The following ZNF827 variants were observed in gnomAD, a reference collection of about 807,000 sequenced individuals.
ZNF827 encodes zinc finger protein 827.
A neutral mutation model predicts 102.4 loss-of-function variants in ZNF827; 13 were observed. The observed-to-expected ratio is 0.13, with a 90% CI of 0.08 to 0.20. ZNF827 has a LOEUF of 0.20. Ranked by LOEUF, ZNF827 falls within the 10% of genes least tolerant of loss-of-function variation. ZNF827 has a pLI of 1.00. For synonymous variants in ZNF827, 523 were observed against 536.2 expected (o/e 0.98, Z 0.34); for missense variants, 1,103 against 1,344.4 (o/e 0.82, Z 2.81).
chr4:145,778,963 T>G (rs1737531337), intron 9 of ZNF827, among the ~76,000 whole-genome samples: 1 of 152,216 alleles, frequency 6.6e-6, no homozygotes, highest in Non-Finnish European at 1.5e-5. Context: ...TTCTCCACAA[T>G]TATACATAAA....
intron 7 of ZNF827, among the ~76,000 whole-genome samples, chr4:145,825,206 A>G (rs537378270): frequency 1.5e-3 from 228 of 152,300 alleles, no homozygotes; most frequent in African/African-American, 5.4e-3. Context: ...CATGGGCGGG[A>G]TGGACAGTAG....
At chr4:145,806,965 A>C (rs1741513334) in intron 8 of ZNF827, among the ~76,000 whole-genome samples, 1 of 152,228 alleles carries the variant, frequency 6.6e-6, no homozygotes, top group Non-Finnish European at 1.5e-5. Context: ...AAGGTTAAAA[A>C]TAAGTAACCA....
rs371133956 is a variant in ZNF827, at chr4:145,859,849, G to A, written c.1982-10288C>T. Among the ~76,000 whole-genome samples, 8 of 152,162 alleles carry A rather than the reference G, an allele frequency of 5.3e-5. No homozygotes were observed. In the East Asian group the frequency reaches 5.8e-4, roughly 11 times the overall value. ...ACCCCAGTCCTGGGTGTCTCCAGGA[G>A]AGCTGAACGTCAGGCAGGAACAGCT... is the stretch of plus-strand genomic sequence containing the variant. On this transcript the variant is annotated intron_variant, in intron 5 of 14. Transcript: ENST00000508784.
chr4:145,907,207 T>C (rs770561486), intron 1 of ZNF827: 24 of 456,430 alleles, frequency 5.3e-5, no homozygotes, highest in South Asian at 3.7e-4. Flanking sequence ...ACTTTTTTTT[T>C]CTTCTTTTTT....
In ZNF827 at chr4:145,761,714, T is replaced by TGCCCAGCCCA. The variant is rs767361181; in HGVS notation, c.*18-126_*18-117dup. ...ACCCCCCAGTGTCTGAGGCCTGGCC[T>TGCCCAGCCCA]GCCCAGCCCAGCCCAGCCCTGCCGC... On this transcript the variant is annotated intron_variant, in intron 14 of 14. Coordinates refer to ENST00000508784, the MANE Select transcript of ZNF827 (RefSeq NM_001306215.2). The surrounding 1 kb of genome is among the most constrained non-coding windows in gnomAD (Gnocchi z 6.8). 4.8e-6 allele frequency: 3 copies of TGCCCAGCCCA among 619,064 alleles called. No individual in the cohort carries two copies. Among genetic ancestry groups the TGCCCAGCCCA allele is most frequent in the South Asian group, 1.9e-5 (1 of 54,044 alleles). The allele number at this position is 619,064 out of a possible 1,614,324, so 38.3% of individuals were successfully genotyped here.
rs1734508603 is a variant in ZNF827, at chr4:145,761,616, G to A, written c.*18-18C>T. 2.4e-6 allele frequency: 3 copies of A among 1,230,266 alleles called. No homozygotes were observed. The highest frequency in any genetic ancestry group is 1.5e-5 in the African/African-American group (1 of 64,820). 76.2% of individuals were successfully genotyped at this position (1,230,266 alleles called of 1,614,324 possible). ...ATGGGCACCTGCCGGGGAAAGCAAC[G>A]CAAGGGAGGTTCAGCCGGGAAGGTT... is the stretch of plus-strand genomic sequence containing the variant. On this transcript the variant is annotated intron_variant, in intron 14 of 14. Transcript: ENST00000508784. This position sits in a 1 kb window ranked among gnomAD's most constrained non-coding sequence, Gnocchi z 6.8.
At position 145,920,081 on chromosome 4, in the gene ZNF827, T is replaced by C. The variant is rs935097805; in HGVS notation, c.44-16866A>G. Among the ~76,000 whole-genome samples, 8 of 152,374 alleles carry C rather than the reference T, an allele frequency of 5.3e-5. 1 individual carries two copies. Among genetic ancestry groups the C allele is most frequent in the Admixed American group, 5.2e-4 (8 of 15,306 alleles). On this transcript the variant is annotated intron_variant, in intron 1 of 14. Transcript: ENST00000508784. ...TAAAGGTAAATTAGCATTACATAAG[T>C]AAAGCACCTGGCACAGAGTTGACGC...
chr4:145,824,942 ATT>A (rs1324680512), intron 7 of ZNF827, among the ~76,000 whole-genome samples: 1 of 152,252 alleles, frequency 6.6e-6, no homozygotes. Flanking sequence ...GTTAGGCTAG[ATT>A]TAACACAACT....
At chr4:145,776,219 G>A (rs1472429864) in intron 9 of ZNF827, among the ~76,000 whole-genome samples, 1 of 152,148 alleles carries the variant, frequency 6.6e-6, no homozygotes, top group East Asian at 1.9e-4. Context: ...CAGTTTGGGA[G>A]GCTAAGACAG....
chr4:145,899,353 A>C (rs1463034881), intron 2 of ZNF827, among the ~76,000 whole-genome samples: 3 of 152,106 alleles, frequency 2.0e-5, no homozygotes, highest in Non-Finnish European at 4.4e-5. Flanking sequence ...GGTAGAGGGG[A>C]CAGATGGAGA....
chr4:145,902,751 C>T lies in ZNF827; in HGVS notation c.508G>A (p.Ala170Thr). The T allele has an allele frequency of 6.2e-7, 1 of 1,614,068 alleles. No individual in the cohort carries two copies. The highest frequency in any genetic ancestry group is 8.5e-7 in the Non-Finnish European group (1 of 1,180,018). ...SHHAQQLSVL[A>T]RKLAEKQEQN... Reference sequence around the variant, plus strand: ...TCCTGCTTCTCGGCCAACTTCCTGGCCAGAACACTGAGCTGCTGGGCGTGG... The same window carrying T: ...TCCTGCTTCTCGGCCAACTTCCTGGTCAGAACACTGAGCTGCTGGGCGTGG... The change falls in exon 2 of 15, where the codon GCC becomes ACC. Residue 170 changes from alanine to threonine, a missense_variant. This residue lies in a region of ZNF827 where 441 missense variants were observed against 458.6 expected (regional missense o/e 0.96). Coordinates refer to ENST00000508784, the MANE Select transcript of ZNF827 (RefSeq NM_001306215.2). This position sits in a 1 kb window ranked among gnomAD's most constrained non-coding sequence, Gnocchi z 4.3.
chr4:145,936,895 G>T (rs1027979643), intron 1 of ZNF827, among the ~76,000 whole-genome samples: 4 of 151,884 alleles, frequency 2.6e-5, no homozygotes, highest in African/African-American at 9.7e-5. Flanking sequence ...GCGCCAAACC[G>T]CCGGGAGAGG....
intron 7 of ZNF827, among the ~76,000 whole-genome samples, chr4:145,828,153 C>T (rs1025991356): frequency 6.6e-6 from 1 of 152,072 alleles, no homozygotes; most frequent in Non-Finnish European, 1.5e-5. Flanking sequence ...CGACGTGCCC[C>T]GAAGCATGTT....
At chr4:145,764,406 A>C (rs1734969198) in intron 13 of ZNF827, among the ~76,000 whole-genome samples, 1 of 152,220 alleles carries the variant, frequency 6.6e-6, no homozygotes. Context: ...TTGAGACCAA[A>C]GGGCCTCTTG....
chr4:145,928,849 G>C (rs1365323309), intron 1 of ZNF827, among the ~76,000 whole-genome samples: 3 of 152,158 alleles, frequency 2.0e-5, no homozygotes, highest in African/African-American at 7.2e-5. Context: ...AGGTGGGCAG[G>C]TGTATATGCA....
chr4:145,842,891 A>G (rs907815527), intron 7 of ZNF827, among the ~76,000 whole-genome samples: 1 of 152,244 alleles, frequency 6.6e-6, no homozygotes, highest in African/African-American at 2.4e-5. Flanking sequence ...TGATTACTAA[A>G]TAAACACTCC....
chr4:145,885,920 A>C lies in ZNF827; in HGVS notation c.1505T>G (p.Met502Arg). The change falls in exon 4 of 15, where the codon ATG becomes AGG. Residue 502 changes from methionine (M) to arginine (R), a missense_variant. Met to Arg is a moderately conservative substitution (Grantham distance 91). Around this residue, in one of 5 missense-constraint regions of ZNF827, gnomAD observed 157 missense variants for 211.7 expected, o/e 0.74. Transcript: ENST00000508784. ...GGGTELVGTM[M>R]TSNTPERTSQ... ...AGTCCTCTCTGGAGTGTTAGACGTCATCATGGTCCCCACTAGCTCTGTCCC... is the reference window on the plus strand; with the variant it reads ...AGTCCTCTCTGGAGTGTTAGACGTCCTCATGGTCCCCACTAGCTCTGTCCC... 1 of 1,614,214 alleles carries C rather than the reference A, an allele frequency of 6.2e-7. No homozygotes were observed. Among genetic ancestry groups the C allele is most frequent in the Non-Finnish European group, 8.5e-7 (1 of 1,180,032 alleles).
At chr4:145,781,334 C>A (rs1165448859) in intron 8 of ZNF827, among the ~76,000 whole-genome samples, 2 of 151,356 alleles carry the variant, frequency 1.3e-5, no homozygotes, top group African/African-American at 4.9e-5. Flanking sequence ...ATACAGGCTT[C>A]CACCTGTATG....
At chr4:145,917,240 T>C (rs962848050) in intron 1 of ZNF827, among the ~76,000 whole-genome samples, 12 of 152,366 alleles carry the variant, frequency 7.9e-5, no homozygotes, top group African/African-American at 2.6e-4. Context: ...ACCAATTTTC[T>C]GTCTCAGTCC....
Sources: allele counts gnomAD v4.1 joint callset (sites outside exome capture counted in the v4.1 genomes callset), GRCh38; gene constraint gnomAD v4.1.1; regional missense constraint gnomAD v4.1.1; non-coding constraint Gnocchi (gnomAD v3.1); transcripts MANE v1.5; gene names NCBI Gene and HGNC (gene_info 2026-07-23, HGNC 2026-07-21).